The following DNAH11 variants were observed in gnomAD, a reference collection of about 807,000 sequenced individuals.
DNAH11 encodes dynein axonemal heavy chain 11.
A neutral mutation model predicts 526.0 loss-of-function variants in DNAH11; 442 were observed. The observed-to-expected ratio is 0.84, with a 90% CI of 0.78 to 0.91. The LOEUF is 0.91. Ranked by LOEUF, DNAH11 falls within the 40% of genes least tolerant of loss-of-function variation. The pLI, the probability that DNAH11 is intolerant of heterozygous loss-of-function variation, is 0.00. For synonymous variants in DNAH11, 2,461 were observed against 1,935.9 expected (o/e 1.27, Z -7.12); for missense variants, 6,989 against 5,448.7 (o/e 1.28, Z -8.90).
intron 56 of DNAH11, 121 bp downstream of exon 56, chr7:21,774,120 T>A: frequency 1.1e-6 from 1 of 912,826 alleles, no homozygotes; most frequent in Non-Finnish European, 1.6e-6. Context: ...ATTTACAGTT[T>A]CATGACACCA....
At position 21,619,159 on chromosome 7, in the gene DNAH11, C is replaced by T. The variant is rs1463584190; in HGVS notation, c.4314C>T (p.His1438=). The stretch of plus-strand genomic sequence containing the variant: ...CAGATTTGTTAGCACTGCGGTTACA[C>T]AGAGTGGAAGATGATGTCCGAAGGA... ...TLADLLALRL[H]RVEDDVRRIV... is the part of the protein sequence containing the mutation. Residue 1438 remains histidine (H), a synonymous_variant, in exon 24 of 82, where the codon CAC becomes CAT. Transcript: ENST00000409508. 3 of 1,613,520 alleles carry T rather than the reference C, an allele frequency of 1.9e-6. No individual in the cohort carries two copies. Among genetic ancestry groups the T allele is most frequent in the Admixed American group, 1.7e-5 (1 of 59,918 alleles).
chr7:21,879,357 T>C (rs956194837), intron 74 of DNAH11, among the ~76,000 whole-genome samples: 3 of 151,960 alleles, frequency 2.0e-5, no homozygotes, highest in African/African-American at 7.3e-5. Context: ...CTCGGGAGGC[T>C]GAGGCAGAAG....
chr7:21,695,464 G>A (rs1273306443), intron 35 of DNAH11, among the ~76,000 whole-genome samples: 1 of 152,122 alleles, frequency 6.6e-6, no homozygotes, highest in Non-Finnish European at 1.5e-5. Context: ...TCTGATCTTT[G>A]ACAAACCTGA....
chr7:21,704,546 G>A lies in DNAH11; in HGVS notation c.6386G>A (p.Arg2129Lys). ...TTTCCAGCCCTGGATGTGCCCCGGAGGAGGAAGCTGCACTTTGAACAGATG... is the reference window on the plus strand; with the variant it reads ...TTTCCAGCCCTGGATGTGCCCCGGAAGAGGAAGCTGCACTTTGAACAGATG... ...DLFPALDVPR[R>K]RKLHFEQMVR... is the part of the protein sequence containing the mutation. Residue 2129 changes from arginine to lysine, a missense_variant, in exon 38 of 82, where the codon AGG (arginine) becomes AAG (lysine). Transcript: ENST00000409508. 1.2e-6 allele frequency: 2 copies of A among 1,613,852 alleles called. No individual in the cohort carries two copies. The highest frequency in any genetic ancestry group is 1.1e-5 in the South Asian group (1 of 91,058).
chr7:21,617,737 T>A lies in DNAH11; in HGVS notation c.4214T>A (p.Leu1405His). 6.2e-7 allele frequency: 1 copy of A among 1,608,926 alleles called. No individual in the cohort carries two copies. The highest frequency in any genetic ancestry group is 8.5e-7 in the Non-Finnish European group (1 of 1,177,824). Residue 1405 changes from leucine to histidine, a missense_variant, in exon 23 of 82, where the codon CTC (leucine) becomes CAC (histidine). Transcript: ENST00000409508. ...RAITELQSPA[L>H]RDRHWHQLMK... Reference sequence around the variant, plus strand: ...ATCACAGAGTTACAGAGCCCTGCCCTCAGGGACAGGCATTGGCACCAGCTG... The same window carrying A: ...ATCACAGAGTTACAGAGCCCTGCCCACAGGGACAGGCATTGGCACCAGCTG...
intron 43 of DNAH11, among the ~76,000 whole-genome samples, chr7:21,719,696 A>C (rs1784802369): frequency 1.3e-5 from 2 of 152,340 alleles, no homozygotes; most frequent in African/African-American, 4.8e-5. Context: ...TAAAGAATAT[A>C]ATAGGTGCTC....
chr7:21,570,907 A>G (rs975351370), intron 7 of DNAH11, among the ~76,000 whole-genome samples: 2 of 151,878 alleles, frequency 1.3e-5, no homozygotes, highest in Non-Finnish European at 2.9e-5. Context: ...AAAAGTTTAA[A>G]TTGATGACAC....
chr7:21,894,940 C>T lies in DNAH11; in HGVS notation c.12990C>T (p.Asp4330=), dbSNP rs941132737. 1.2e-6 allele frequency: 2 copies of T among 1,613,990 alleles called. No homozygotes were observed. The highest frequency in any genetic ancestry group is 1.7e-6 in the Non-Finnish European group (2 of 1,179,880). The change falls in exon 79 of 82, where the codon GAC becomes GAT. Residue 4330 remains aspartate (D), a synonymous_variant. Transcript: ENST00000409508. The stretch of plus-strand genomic sequence containing the variant: ...CCCAGCAGTTTGCATTGAGTTATGA[C>T]ACGGTACCAGACACTTGGAGCAAAC... ...VEAQQFALSY[D]TVPDTWSKLA... is the part of the protein sequence containing the mutation.
Position 21,584,493 on chromosome 7 carries a change from G to T in DNAH11, c.1710+2472G>T, listed in dbSNP as rs184936788. Among the ~76,000 whole-genome samples the T allele has an allele frequency of 2.9e-3, 445 of 152,208 alleles. 1 individual carries two copies. Among genetic ancestry groups the T allele is most frequent in the Non-Finnish European group, 5.1e-3 (345 of 68,016 alleles). On this transcript the variant is annotated intron_variant, in intron 9 of 81. Coordinates refer to ENST00000409508, the MANE Select transcript of DNAH11 (RefSeq NM_001277115.2). Reference sequence around the variant, plus strand: ...ACCCAATGTAGATGATGGGTTGATAGGTACAGCAAACCAGCATGGCACATG... The same window carrying T: ...ACCCAATGTAGATGATGGGTTGATATGTACAGCAAACCAGCATGGCACATG...
At chr7:21,867,424 T>C (rs565770777) in intron 71 of DNAH11, among the ~76,000 whole-genome samples, 1 of 152,372 alleles carries the variant, frequency 6.6e-6, no homozygotes, top group East Asian at 1.9e-4. Context: ...TGGAAAATAA[T>C]CCTTGCTTAA....
At chr7:21,554,359 G>A (rs760969903) in intron 2 of DNAH11, among the ~76,000 whole-genome samples, 1 of 151,902 alleles carries the variant, frequency 6.6e-6, no homozygotes, top group Non-Finnish European at 1.5e-5. Flanking sequence ...TTTTTTAGTA[G>A]AGATGAGGTT....
intron 77 of DNAH11, among the ~76,000 whole-genome samples, chr7:21,893,395 G>A (rs896462649): frequency 3.9e-5 from 6 of 152,184 alleles, no homozygotes; most frequent in Admixed American, 6.5e-5. Flanking sequence ...CTCAATTGAG[G>A]AGTAATATTG....
rs776466911 is a variant in DNAH11 at position 21,561,136 on chromosome 7, T to A, written c.948T>A (p.Pro316=). ...ILTTKQSSYF[P]TLKDIFLAVE... ...CAACTAAACAAAGCAGCTATTTTCCTACTCTGAAGGACATTTTTCTGGCTG... is the reference window on the plus strand; with the variant it reads ...CAACTAAACAAAGCAGCTATTTTCCAACTCTGAAGGACATTTTTCTGGCTG... The change falls in exon 5 of 82, where the codon CCT becomes CCA. Residue 316 remains proline, a synonymous_variant. Coordinates refer to ENST00000409508, the MANE Select transcript of DNAH11 (RefSeq NM_001277115.2). 3.1e-6 allele frequency: 5 copies of A among 1,601,160 alleles called. No homozygotes were observed. Among genetic ancestry groups the A allele is most frequent in the Non-Finnish European group, 3.4e-6 (4 of 1,173,362 alleles).
chr7:21,612,846 C>A (rs927110382), intron 20 of DNAH11, among the ~76,000 whole-genome samples: 1 of 152,154 alleles, frequency 6.6e-6, no homozygotes, highest in Non-Finnish European at 1.5e-5. Flanking sequence ...AAATAAGTTT[C>A]ACTTAACATT....
chr7:21,626,249 T>C (rs1048011595), intron 25 of DNAH11, among the ~76,000 whole-genome samples: 1 of 152,194 alleles, frequency 6.6e-6, no homozygotes. Context: ...TCACTTAACA[T>C]AATGTCCTCT....
intron 32 of DNAH11, among the ~76,000 whole-genome samples, chr7:21,685,089 T>A (rs1783315635): frequency 6.6e-6 from 1 of 152,242 alleles, no homozygotes; most frequent in African/African-American, 2.4e-5. Flanking sequence ...GACATTTGTG[T>A]ATTGTATAGT....
chr7:21,570,130 A>T lies in DNAH11; in HGVS notation c.1256A>T (p.Lys419Met). The T allele has an allele frequency of 3.1e-6, 5 of 1,613,084 alleles. No homozygotes were observed. Among genetic ancestry groups the T allele is most frequent in the Non-Finnish European group, 2.5e-6 (3 of 1,179,560 alleles). ...LRGEIEESLE[K>M]VQVAVNILKT... is the part of the protein sequence containing the mutation. ...GGAGAAATAGAAGAGTCACTGGAAA[A>T]GGTGCAGGTGGCTGTTAACATCTTA... The change falls in exon 7 of 82, where the codon AAG (lysine) becomes ATG (methionine). Residue 419 changes from lysine (K) to methionine (M), a missense_variant. By Grantham distance (95) the Lys-to-Met change is moderately conservative. Coordinates refer to ENST00000409508, the MANE Select transcript of DNAH11 (RefSeq NM_001277115.2).
At chr7:21,644,077 C>T (rs183580623) in intron 28 of DNAH11, among the ~76,000 whole-genome samples, 1 of 152,264 alleles carries the variant, frequency 6.6e-6, no homozygotes, top group African/African-American at 2.4e-5. Flanking sequence ...GGAAATCTGC[C>T]AACTTGTCTT....
intron 61 of DNAH11, among the ~76,000 whole-genome samples, chr7:21,790,011 C>A (rs1444932109): frequency 1.3e-5 from 2 of 150,612 alleles, no homozygotes; most frequent in South Asian, 2.1e-4. Context: ...TCCTATCAAC[C>A]AATCACCTAG....
Sources: gnomAD v4.1 joint callset for allele counts (sites outside exome capture counted in the v4.1 genomes callset) on GRCh38, gnomAD v4.1.1 for gene constraint, MANE v1.5 for transcripts, NCBI Gene and HGNC (gene_info 2026-07-23, HGNC 2026-07-21) for gene names.